Variants in NIPA1 observed in about 807,000 individuals in gnomAD.
The protein encoded by NIPA1 is magnesium transporter NIPA1.
Under a neutral mutation model 23.9 loss-of-function variants are expected in NIPA1, and 13 were observed. The ratio of observed to expected loss-of-function variants is 0.54; its 90% CI spans 0.35 to 0.87. The LOEUF is 0.87. Ranked by LOEUF, NIPA1 falls within the 40% of genes least tolerant of loss-of-function variation. The pLI, the probability that NIPA1 is intolerant of heterozygous loss-of-function variation, is 0.01. For synonymous variants in NIPA1, 234 were observed against 202.9 expected (o/e 1.15, Z -1.30); for missense variants, 362 against 429.7 (o/e 0.84, Z 1.39).
At chr15:22,793,107 T>C (rs1894866309) in intron 1 of NIPA1, among the ~76,000 whole-genome samples, 1 of 151,650 alleles carries the variant, frequency 6.6e-6, no homozygotes, top group African/African-American at 2.4e-5. Context: ...CACAGCACTT[T>C]GGGACACCAA....
At chr15:22,801,287 T>A (rs1444723613) in intron 1 of NIPA1, among the ~76,000 whole-genome samples, 1 of 152,102 alleles carries the variant, frequency 6.6e-6, no homozygotes, top group Admixed American at 6.6e-5. Context: ...CTCATTATCC[T>A]AGATTTTTCT....
chr15:22,822,881 C>T (rs553896020), intron 4 of NIPA1, among the ~76,000 whole-genome samples: 1 of 149,282 alleles, frequency 6.7e-6, no homozygotes, highest in Admixed American at 6.7e-5. Flanking sequence ...AATAGAGGAC[C>T]ATGTAAACAT....
Position 22,827,018 on chromosome 15 carries a change from T to C in NIPA1, c.*2779T>C, listed in dbSNP as rs539910692. Reference sequence around the variant, plus strand: ...TGAAAAAGCCCCAAAGTGAGAACTTTGGGGGAGGGCCTAGAACATGGATAG... The same window carrying C: ...TGAAAAAGCCCCAAAGTGAGAACTTCGGGGGAGGGCCTAGAACATGGATAG... On this transcript the variant is annotated 3_prime_UTR_variant, in exon 5 of 5. Transcript: ENST00000337435. 2 of 152,098 alleles carry C rather than the reference T, an allele frequency of 1.3e-5. No homozygotes were observed. Among genetic ancestry groups the C allele is most frequent in the African/African-American group, 4.8e-5 (2 of 41,426 alleles). 9.4% of individuals were successfully genotyped at this position (152,098 alleles called of 1,614,324 possible). A position where few individuals can be genotyped will look rare whatever the true frequency, so the allele number is the denominator to read the frequency against.
chr15:22,803,022 T>C (rs7174395), intron 1 of NIPA1, among the ~76,000 whole-genome samples: 15,272 of 151,986 alleles, frequency 0.1, 884 homozygotes, highest in South Asian at 0.19. Context: ...AGTGGTGCGA[T>C]CTTGGCTCAC....
At chr15:22,798,564 AC>A (rs1346480311) in intron 1 of NIPA1, among the ~76,000 whole-genome samples, 2 of 144,908 alleles carry the variant, frequency 1.4e-5, no homozygotes, top group Admixed American at 1.4e-4. Context: ...AAAAAAAAAA[AC>A]CGGCAGGGTG....
intron 1 of NIPA1, among the ~76,000 whole-genome samples, chr15:22,788,087 A>G (rs1207727750): frequency 6.6e-6 from 1 of 152,126 alleles, no homozygotes; most frequent in African/African-American, 2.4e-5. Flanking sequence ...AGGCCCCAGG[A>G]CTGGGTGAGA....
intron 1 of NIPA1, among the ~76,000 whole-genome samples, chr15:22,808,402 T>C (rs56353348): frequency 0.081 from 12,340 of 152,214 alleles, 1,012 homozygotes; most frequent in African/African-American, 0.2. Flanking sequence ...GGTGCCAGGC[T>C]GTCTTCTCCA....
chr15:22,816,437 T>C (rs1451608101), intron 3 of NIPA1, among the ~76,000 whole-genome samples: 4 of 146,610 alleles, frequency 2.7e-5, no homozygotes, highest in Non-Finnish European at 4.5e-5. Flanking sequence ...TCTGCCTGCC[T>C]CGGCCTCCCA....
chr15:22,787,379 C>T, intron 1 of NIPA1, among the ~76,000 whole-genome samples: 1 of 152,328 alleles, frequency 6.6e-6, no homozygotes, highest in East Asian at 1.9e-4. Flanking sequence ...AAAGGAAGAC[C>T]CGGGCGGGCT....
intron 1 of NIPA1, among the ~76,000 whole-genome samples, chr15:22,794,960 G>T (rs369885837): frequency 7.2e-5 from 11 of 152,126 alleles, no homozygotes; most frequent in African/African-American, 2.7e-4. Context: ...CTCTTCCAGG[G>T]CTGTCACGTG....
At position 22,791,280 on chromosome 15, in the gene NIPA1, C is replaced by T. The variant is rs116396050; in HGVS notation, c.178+4446C>T. On this transcript the variant is annotated intron_variant, in intron 1 of 4. Coordinates refer to ENST00000337435, the MANE Select transcript of NIPA1 (RefSeq NM_144599.5). Reference sequence around the variant, plus strand: ...AGTTTCCAATGTCTGTTATTCCACTCTGTATGTCTGAAAGTCAAAAACCGC... The same window carrying T: ...AGTTTCCAATGTCTGTTATTCCACTTTGTATGTCTGAAAGTCAAAAACCGC... Among the ~76,000 whole-genome samples, 494 of 152,094 alleles carry T rather than the reference C, an allele frequency of 3.2e-3. 1 individual carries two copies. The highest frequency in any genetic ancestry group is 0.012 in the African/African-American group (480 of 41,490).
chr15:22,821,244 C>T lies in NIPA1; in HGVS notation c.478+771C>T, dbSNP rs566066522. Reference sequence around the variant, plus strand: ...CCTTCCAAAGTGCTGGGATTACAGGCGTGAGCCACCATGCCCGTCCTTTTT... The same window carrying T: ...CCTTCCAAAGTGCTGGGATTACAGGTGTGAGCCACCATGCCCGTCCTTTTT... On this transcript the variant is annotated intron_variant, in intron 4 of 4. Transcript: ENST00000337435. 3.8e-4 allele frequency among the ~76,000 whole-genome samples: 58 copies of T among 152,276 alleles called. 2 individuals carry two copies. In the South Asian group the frequency reaches 3.9e-3, roughly 10 times the overall value.
intron 1 of NIPA1, among the ~76,000 whole-genome samples, chr15:22,808,455 A>AT (rs1895256487): frequency 6.6e-6 from 1 of 152,146 alleles, no homozygotes; most frequent in South Asian, 2.1e-4. Flanking sequence ...CAGGGCTGGG[A>AT]GACAGCCACA....
Position 22,827,012 on chromosome 15 carries a change from G to A in NIPA1, c.*2773G>A, listed in dbSNP as rs962803159. 2 of 151,998 alleles carry A rather than the reference G, an allele frequency of 1.3e-5. No individual in the cohort carries two copies. The highest frequency in any genetic ancestry group is 2.9e-5 in the Non-Finnish European group (2 of 68,002). 9.4% of individuals were successfully genotyped at this position (151,998 alleles called of 1,614,324 possible). On this transcript the variant is annotated 3_prime_UTR_variant, in exon 5 of 5. Coordinates refer to ENST00000337435, the MANE Select transcript of NIPA1 (RefSeq NM_144599.5). ...TGAAAATGAAAAAGCCCCAAAGTGAGAACTTTGGGGGAGGGCCTAGAACAT... is the reference window on the plus strand; with the variant it reads ...TGAAAATGAAAAAGCCCCAAAGTGAAAACTTTGGGGGAGGGCCTAGAACAT...
intron 1 of NIPA1, among the ~76,000 whole-genome samples, chr15:22,803,406 A>T (rs1895129608): frequency 6.6e-6 from 1 of 151,798 alleles, no homozygotes; most frequent in Non-Finnish European, 1.5e-5. Context: ...TATTAACCAT[A>T]CAGATATATG....
intron 1 of NIPA1, among the ~76,000 whole-genome samples, chr15:22,798,094 G>A (rs760392057): frequency 8.7e-5 from 13 of 149,558 alleles, no homozygotes; most frequent in African/African-American, 2.5e-4. Flanking sequence ...TGATCCCCCC[G>A]CCTCAGCCTC....
intron 1 of NIPA1, among the ~76,000 whole-genome samples, chr15:22,795,172 C>G (rs1180147050): frequency 6.6e-6 from 1 of 152,060 alleles, no homozygotes; most frequent in Non-Finnish European, 1.5e-5. Context: ...TTTATCTGAC[C>G]CTGAGAGGAG....
chr15:22,823,707 T>G, intron 4 of NIPA1, 21 bp from the exon 5 acceptor site: 1 of 1,591,946 alleles, frequency 6.3e-7, no homozygotes, highest in Non-Finnish European at 8.5e-7. Flanking sequence ...TCCGGGTGAC[T>G]GTGTGCTGTC....
At chr15:22,790,176 A>G (rs759340480) in intron 1 of NIPA1, among the ~76,000 whole-genome samples, 35 of 152,272 alleles carry the variant, frequency 2.3e-4, no homozygotes, top group Non-Finnish European at 4.6e-4. Context: ...AACTTGAGAG[A>G]TCAGAGGCCT....
Sources: allele counts gnomAD v4.1 joint callset (sites outside exome capture counted in the v4.1 genomes callset), GRCh38; gene constraint gnomAD v4.1.1; transcripts MANE v1.5; gene names NCBI Gene and HGNC (gene_info 2026-07-23, HGNC 2026-07-21).